Variants in HK2 observed in about 807,000 individuals in gnomAD.
HK2 encodes hexokinase 2.
A neutral mutation model predicts 92.9 loss-of-function variants in HK2; 42 were observed. The observed-to-expected ratio is 0.45, with a 90% CI of 0.35 to 0.58. The LOEUF is 0.58. HK2 is among the 20% of genes least tolerant of loss of function. The pLI, the probability that HK2 is intolerant of heterozygous loss-of-function variation, is 0.00. For missense variants in HK2, 978 were observed against 1,245.1 expected (o/e 0.79, Z 3.23); for synonymous variants, 422 against 468.0 (o/e 0.90, Z 1.27).
At chr2:74,862,397 G>C (rs1009717238) in intron 2 of HK2, among the ~76,000 whole-genome samples, 1 of 152,198 alleles carries the variant, frequency 6.6e-6, no homozygotes, top group Non-Finnish European at 1.5e-5. Context: ...TCCGAGGCTT[G>C]GTCCTCTGTG....
chr2:74,868,500 A>G (rs1330517237), intron 3 of HK2, among the ~76,000 whole-genome samples: 1 of 152,178 alleles, frequency 6.6e-6, no homozygotes, highest in Non-Finnish European at 1.5e-5. Flanking sequence ...ATTGTGGTGT[A>G]GATTAGAGGA....
At position 74,844,962 on chromosome 2, in the gene HK2, G is replaced by T. The variant is rs79998730; in HGVS notation, c.64-9331G>T. ...TGAGCACCTATTATATCCTAGTATT[G>T]AGATAGCTGCTGCTATGACTGCAGA... On this transcript the variant is annotated intron_variant, in intron 1 of 17. Transcript: ENST00000290573. Among the ~76,000 whole-genome samples the T allele has an allele frequency of 3.9e-5, 6 of 152,284 alleles. No individual in the cohort carries two copies. In the East Asian group the frequency reaches 1.2e-3, roughly 29 times the overall value.
chr2:74,843,331 C>G (rs1243596181), intron 1 of HK2, among the ~76,000 whole-genome samples: 4 of 152,130 alleles, frequency 2.6e-5, no homozygotes, highest in Non-Finnish European at 4.4e-5. Flanking sequence ...CAGGGGGATT[C>G]TGCATGTGCA....
chr2:74,885,885 C>CACACACACACACACACACA (rs58908262), intron 13 of HK2, among the ~76,000 whole-genome samples: 1 of 148,420 alleles, frequency 6.7e-6, no homozygotes. Flanking sequence ...CACACACACA[C>CACACACACACACACACACA]AGTAAAGGAA....
At chr2:74,874,879 G>T (rs1689188512) in intron 7 of HK2, among the ~76,000 whole-genome samples, 1 of 152,084 alleles carries the variant, frequency 6.6e-6, no homozygotes, top group Admixed American at 6.5e-5. Flanking sequence ...GCTGCTCATT[G>T]CTGCTCCCTG....
chr2:74,886,200 A>G (rs1689531436), intron 13 of HK2, 94 bp from the exon 14 acceptor site: 1 of 895,080 alleles, frequency 1.1e-6, no homozygotes, highest in South Asian at 1.4e-5. Context: ...TGTATGATAT[A>G]TATTTTATAT....
At chr2:74,889,612 A>G (rs776519122) in intron 17 of HK2, 134 bp downstream of exon 17, 82 of 753,866 alleles carry the variant, frequency 1.1e-4, no homozygotes, top group Non-Finnish European at 1.7e-4. Flanking sequence ...TACATGGATT[A>G]TAGTTTAAAG....
chr2:74,856,738 G>A (rs1323226641), intron 2 of HK2, among the ~76,000 whole-genome samples: 2 of 152,176 alleles, frequency 1.3e-5, no homozygotes, highest in East Asian at 3.8e-4. Context: ...CAAACAAGTT[G>A]TCCAAAATCC....
In HK2 at chr2:74,881,167, C is replaced by G. The variant is rs569758885; in HGVS notation, c.1571-544C>G. Among the ~76,000 whole-genome samples, 10 of 152,324 alleles carry G rather than the reference C, an allele frequency of 6.6e-5. No homozygotes were observed. The East Asian group carries it at 9.6e-4, about 15-fold the overall frequency. ...GTGGTGGCAGCAAAGACTGCATGACCCACAGGGCCTAAAACGTTTGCTGTC... is the reference window on the plus strand; with the variant it reads ...GTGGTGGCAGCAAAGACTGCATGACGCACAGGGCCTAAAACGTTTGCTGTC... On this transcript the variant is annotated intron_variant, in intron 10 of 17. Transcript: ENST00000290573.
intron 5 of HK2, 59 bp from the exon 6 acceptor site, chr2:74,873,785 G>A: frequency 8.9e-7 from 1 of 1,125,236 alleles, no homozygotes; most frequent in Non-Finnish European, 1.4e-6. Context: ...TATAGCTGGT[G>A]TTAGGAAAGT....
At chr2:74,842,683 T>A (rs1277286072) in intron 1 of HK2, among the ~76,000 whole-genome samples, 1 of 152,180 alleles carries the variant, frequency 6.6e-6, no homozygotes, top group East Asian at 1.9e-4. Flanking sequence ...GGAAGAAGGA[T>A]GCGTCCACCG....
intron 8 of HK2, 139 bp downstream of exon 8, chr2:74,877,460 G>C (rs935015185): frequency 5.3e-6 from 5 of 945,358 alleles, no homozygotes; most frequent in African/African-American, 1.6e-5. Flanking sequence ...GGACCATGGC[G>C]GGCCTGTGGC....
rs114779031 is a variant in HK2 at position 74,873,174 on chromosome 2, C to T, written c.496-102C>T. On this transcript the variant is annotated intron_variant, in intron 4 of 17. Transcript: ENST00000290573. ...ACACACAAATTCAATCATGACTTTA[C>T]CCCAGTGGCAGAGGTCTCTGCTAAT... is the stretch of plus-strand genomic sequence containing the variant. 2,637 of 874,902 alleles carry T rather than the reference C, an allele frequency of 3.0e-3. 52 individuals are homozygous for T. In the African/African-American group the frequency reaches 0.038, roughly 13 times the overall value. 54.2% of individuals were successfully genotyped at this position (874,902 alleles called of 1,614,324 possible). A position where few individuals can be genotyped will look rare whatever the true frequency, so the allele number is the denominator to read the frequency against.
intron 8 of HK2, among the ~76,000 whole-genome samples, 179 bp downstream of exon 8, chr2:74,877,500 T>A (rs532213676): frequency 5.2e-4 from 79 of 152,210 alleles, no homozygotes; most frequent in African/African-American, 1.8e-3. Flanking sequence ...TCCACTCTTG[T>A]CGATTTCGAT....
At chr2:74,885,435 C>G in intron 12 of HK2, 59 bp from the exon 13 acceptor site, 1 of 1,237,128 alleles carries the variant, frequency 8.1e-7, no homozygotes, top group Non-Finnish European at 1.2e-6. Flanking sequence ...GCTGGACCCC[C>G]AGAACTGACC....
intron 2 of HK2, among the ~76,000 whole-genome samples, chr2:74,860,142 T>A (rs923723767): frequency 1.4e-5 from 2 of 139,150 alleles, no homozygotes; most frequent in African/African-American, 5.5e-5. Context: ...GAAAGTGGAA[T>A]GATAGACCAT....
chr2:74,846,445 C>A (rs1196239591), intron 1 of HK2, among the ~76,000 whole-genome samples: 1 of 152,220 alleles, frequency 6.6e-6, no homozygotes, highest in Non-Finnish European at 1.5e-5. Flanking sequence ...CTACCCACCA[C>A]CACCATCAAG....
At chr2:74,870,772 T>G (rs1393429275) in intron 3 of HK2, among the ~76,000 whole-genome samples, 1 of 152,212 alleles carries the variant, frequency 6.6e-6, no homozygotes, top group African/African-American at 2.4e-5. Flanking sequence ...CCTGCACTGG[T>G]GATCCCCATG....
At chr2:74,856,003 C>T (rs1355116381) in intron 2 of HK2, among the ~76,000 whole-genome samples, 1 of 152,058 alleles carries the variant, frequency 6.6e-6, no homozygotes, top group African/African-American at 2.4e-5. Flanking sequence ...GGGGTAGGTA[C>T]TCACATCTAG....
Sources: gnomAD v4.1 joint callset for allele counts (sites outside exome capture counted in the v4.1 genomes callset) on GRCh38, gnomAD v4.1.1 for gene constraint, MANE v1.5 for transcripts, NCBI Gene and HGNC (gene_info 2026-07-23, HGNC 2026-07-21) for gene names.